Variants in RBFOX1 observed in about 807,000 individuals in gnomAD.
RBFOX1 encodes RNA binding protein fox-1 homolog 1.
Under a neutral mutation model 57.7 loss-of-function variants are expected in RBFOX1, and 8 were observed. That is an observed-to-expected ratio of 0.14 (90% confidence interval 0.08 to 0.25). The LOEUF is 0.25. Ranked by LOEUF, RBFOX1 falls within the 10% of genes least tolerant of loss-of-function variation. The probability of loss-of-function intolerance (pLI) is 1.00; values close to 1 mark genes in which losing one functional copy is unlikely to be tolerated. For missense variants in RBFOX1, 611 were observed against 548.5 expected, an observed-to-expected ratio of 1.11 and a Z score of -1.14; for synonymous variants, 326 against 222.4, an observed-to-expected ratio of 1.47 and a Z score of -4.15.
chr16:6,398,242 T>C (rs1427615741), intron 2 of RBFOX1, among the ~76,000 whole-genome samples: 6 of 152,074 alleles, frequency 3.9e-5, no homozygotes, highest in Admixed American at 3.9e-4. Flanking sequence ...TCCCATAACA[T>C]ATGCGGATTA....
At chr16:7,041,243 A>C (rs570832976) in intron 3 of RBFOX1, among the ~76,000 whole-genome samples, 1 of 151,944 alleles carries the variant, frequency 6.6e-6, no homozygotes, top group East Asian at 1.9e-4. Flanking sequence ...CCTGTAAATA[A>C]AATTTTATTG....
chr16:7,328,039 C>T (rs186640712), intron 4 of RBFOX1, among the ~76,000 whole-genome samples: 83 of 152,230 alleles, frequency 5.5e-4, no homozygotes, highest in African/African-American at 1.9e-3. Flanking sequence ...GAGAGGCTAC[C>T]ACTCAGAAGG....
At chr16:6,136,926 A>G (rs1182193334) in intron 1 of RBFOX1, among the ~76,000 whole-genome samples, 1 of 152,202 alleles carries the variant, frequency 6.6e-6, no homozygotes, top group Non-Finnish European at 1.5e-5. Context: ...TAGCAAAACA[A>G]TTTACCAAGC....
chr16:7,509,048 TA>T (rs1188291338), intron 4 of RBFOX1, among the ~76,000 whole-genome samples: 1 of 152,242 alleles, frequency 6.6e-6, no homozygotes, highest in Non-Finnish European at 1.5e-5. Context: ...CTTGCAGCTT[TA>T]AATAAAGAGG....
intron 4 of RBFOX1, among the ~76,000 whole-genome samples, chr16:7,099,659 G>C (rs1030006008): frequency 2.0e-5 from 3 of 152,086 alleles, no homozygotes; most frequent in African/African-American, 7.2e-5. Flanking sequence ...CATTTAGGGA[G>C]ACATGAGACA....
At chr16:5,333,054 G>C (rs1389131311) in intron 1 of RBFOX1, among the ~76,000 whole-genome samples, 1 of 152,084 alleles carries the variant, frequency 6.6e-6, no homozygotes, top group African/African-American at 2.4e-5. Flanking sequence ...CGGGTGTGGT[G>C]GTGGGCACCT....
At chr16:5,907,121 G>A (rs1034221281) in intron 4 of RBFOX1, among the ~76,000 whole-genome samples, 4 of 152,050 alleles carry the variant, frequency 2.6e-5, no homozygotes, top group Non-Finnish European at 2.9e-5. Flanking sequence ...CGCATTTGGT[G>A]GATGATTTCT....
At chr16:6,934,219 G>C (rs2077010971) in intron 3 of RBFOX1, among the ~76,000 whole-genome samples, 1 of 152,202 alleles carries the variant, frequency 6.6e-6, no homozygotes, top group Admixed American at 6.5e-5. Flanking sequence ...TCTTGCTATA[G>C]AACTACAGAG....
chr16:6,591,604 A>G (rs2097712075), intron 2 of RBFOX1, among the ~76,000 whole-genome samples: 1 of 152,216 alleles, frequency 6.6e-6, no homozygotes, highest in Admixed American at 6.5e-5. Flanking sequence ...CATTTTTGTC[A>G]GATGATAGAA....
intron 2 of RBFOX1, among the ~76,000 whole-genome samples, chr16:6,462,813 G>T (rs2094952417): frequency 6.6e-6 from 1 of 151,556 alleles, no homozygotes; most frequent in Admixed American, 6.6e-5. Context: ...TATACACATG[G>T]CACATTGTTG....
At chr16:7,704,238 AG>A (rs1157448660) in intron 14 of RBFOX1, among the ~76,000 whole-genome samples, 1 of 152,242 alleles carries the variant, frequency 6.6e-6, no homozygotes, top group Non-Finnish European at 1.5e-5. Context: ...AAGGTCAAAA[AG>A]ATGAGGTCTC....
rs539216982 is a variant in RBFOX1 at position 7,193,726 on chromosome 16, C to T, written c.27+141628C>T. Among the ~76,000 whole-genome samples the T allele has an allele frequency of 4.6e-5, 7 of 152,282 alleles. No individual in the cohort carries two copies. In the East Asian group the frequency reaches 1.4e-3, roughly 29 times the overall value. On this transcript the variant is annotated intron_variant, in intron 4 of 15. Transcript: ENST00000550418. The stretch of plus-strand genomic sequence containing the variant: ...CAGATGCTTAGTCAGAAATACAGAG[C>T]CCATGCTCTGCACCAGCAACCATGG...
intron 3 of RBFOX1, among the ~76,000 whole-genome samples, chr16:5,785,713 G>A (rs560193932): frequency 1.3e-5 from 2 of 152,110 alleles, no homozygotes; most frequent in Admixed American, 6.6e-5. Flanking sequence ...TTTTAATAGA[G>A]ACAGGGTTTC....
chr16:5,480,790 G>A (rs75756240), intron 2 of RBFOX1, among the ~76,000 whole-genome samples: 9 of 152,274 alleles, frequency 5.9e-5, no homozygotes, highest in Non-Finnish European at 1.3e-4. Context: ...TTTCTTCTCA[G>A]TGCATGCATA....
rs1171874913 is a variant in RBFOX1 at position 6,450,860 on chromosome 16, T to TACATATATATAC, written c.-64+133804_-64+133805insCATATATATACA. On this transcript the variant is annotated intron_variant, in intron 2 of 15. Coordinates refer to ENST00000550418, the MANE Select transcript of RBFOX1 (RefSeq NM_018723.4). ...ATGTGTATATATATATATATATATA[T>TACATATATATAC]ATATATATATATATCTCCTCTGAAA... 3.3e-4 allele frequency among the ~76,000 whole-genome samples: 25 copies of TACATATATATAC among 75,868 alleles called. 5 individuals are homozygous for TACATATATATAC. Among genetic ancestry groups the TACATATATATAC allele is most frequent in the East Asian group, 3.1e-3 (7 of 2,272 alleles). 49.8% of individuals were successfully genotyped at this position (75,868 alleles called of 152,430 possible).
rs539925106 is a variant in RBFOX1, at chr16:6,902,979, T to C, written c.-15-149078T>C. Among the ~76,000 whole-genome samples, 5 of 152,300 alleles carry C rather than the reference T, an allele frequency of 3.3e-5. No homozygotes were observed. In the East Asian group the frequency reaches 5.8e-4, roughly 18 times the overall value. ...GCAGAGAAGATGGACATAAACAAAA[T>C]AGTTACACATCAGTCACCATGATTG... is the stretch of plus-strand genomic sequence containing the variant. On this transcript the variant is annotated intron_variant, in intron 3 of 15. Coordinates refer to ENST00000550418, the MANE Select transcript of RBFOX1 (RefSeq NM_018723.4).
intron 4 of RBFOX1, among the ~76,000 whole-genome samples, chr16:7,214,275 T>C (rs961694673): frequency 6.6e-6 from 1 of 152,108 alleles, no homozygotes; most frequent in South Asian, 2.1e-4. Flanking sequence ...TTCTTACGCA[T>C]ATGGGAGGAG....
At chr16:5,974,885 A>G (rs2060031609) in intron 4 of RBFOX1, among the ~76,000 whole-genome samples, 2 of 150,948 alleles carry the variant, frequency 1.3e-5, no homozygotes, top group African/African-American at 2.4e-5. Flanking sequence ...GCACATGCCT[A>G]TTACCCTGGC....
At chr16:5,522,218 T>G (rs1466044424) in intron 2 of RBFOX1, among the ~76,000 whole-genome samples, 1 of 152,216 alleles carries the variant, frequency 6.6e-6, no homozygotes, top group Non-Finnish European at 1.5e-5. Flanking sequence ...TGAGCTCTTC[T>G]ACTTTTTTAT....
Sources: gnomAD v4.1 joint callset for allele counts (sites outside exome capture counted in the v4.1 genomes callset) on GRCh38, gnomAD v4.1.1 for gene constraint, MANE v1.5 for transcripts, NCBI Gene and HGNC (gene_info 2026-07-23, HGNC 2026-07-21) for gene names.